BRD1: variants seen among roughly 807,000 people sequenced by gnomAD.
BRD1 encodes the protein bromodomain containing 1.
A neutral mutation model predicts 107.7 loss-of-function variants in BRD1; 24 were observed. That is an observed-to-expected ratio of 0.22 (90% confidence interval 0.16 to 0.31). The LOEUF is 0.31. Among genes scored for constraint, BRD1 ranks in the 10% least tolerant of loss-of-function variants. The pLI is 1.00. For synonymous variants in BRD1, 744 were observed against 686.1 expected, an observed-to-expected ratio of 1.08 and a Z score of -1.32; for missense variants, 1,279 against 1,638.6, an observed-to-expected ratio of 0.78 and a Z score of 3.79.
chr22:49,821,006 C>T (rs2060055364), intron 2 of BRD1: 2 of 152,252 alleles, frequency 1.3e-5, no homozygotes, highest in Non-Finnish European at 2.9e-5. Context: ...TAGTTTATTC[C>T]CAAGTTAGGA....
chr22:49,796,460 G>A (rs534355924), intron 6 of BRD1, among the ~76,000 whole-genome samples: 2 of 149,554 alleles, frequency 1.3e-5, no homozygotes, highest in African/African-American at 4.9e-5. Flanking sequence ...AGGTTCAAGC[G>A]ATTCTCCTGC....
intron 8 of BRD1, among the ~76,000 whole-genome samples, chr22:49,786,900 C>T (rs938828390): frequency 6.7e-6 from 1 of 149,440 alleles, no homozygotes; most frequent in Non-Finnish European, 1.5e-5. Context: ...CAAGACCAGC[C>T]GGGACAACAC....
Position 49,792,227 on chromosome 22 carries a change from A to G in BRD1, c.2359+1807T>C, listed in dbSNP as rs1196694736. ...CTTACTGCTCTACAGTGAAAATGGT[A>G]CAACTGTGTGCGAAGAGAAGCGCTG... On this transcript the variant is annotated intron_variant, in intron 7 of 12. Transcript: ENST00000404760. The surrounding 1 kb of genome is among the most constrained non-coding windows in gnomAD (Gnocchi z 4.2). Among the ~76,000 whole-genome samples the G allele has an allele frequency of 6.6e-6, 1 of 152,182 alleles. No individual in the cohort carries two copies. Among genetic ancestry groups the G allele is most frequent in the Non-Finnish European group, 1.5e-5 (1 of 68,030 alleles).
At chr22:49,791,248 G>A (rs983404351) in intron 7 of BRD1, among the ~76,000 whole-genome samples, 4 of 152,204 alleles carry the variant, frequency 2.6e-5, no homozygotes, top group African/African-American at 7.2e-5. Flanking sequence ...AGACTGAGTC[G>A]CGGCTACGGC....
rs369676629 is a variant in BRD1, at chr22:49,823,906, C to T, written c.412G>A (p.Val138Met). The change falls in exon 2 of 13, where the codon GTG (valine) becomes ATG (methionine). Residue 138 changes from valine (V) to methionine (M), a missense_variant. Val to Met is a conservative substitution (Grantham distance 21, BLOSUM62 1). This residue lies in a region of BRD1 where 223 missense variants were observed against 263.5 expected (regional missense o/e 0.85). Coordinates refer to ENST00000404760, the MANE Select transcript of BRD1 (RefSeq NM_001304808.3). ...GACTTCTCGATGAACTTGTAGTACA[C>T]AGGAGGCCTCCTGGGGGCGGACGGA... ...SPPSAPRRPP[V>M]YYKFIEKSAE... 31 of 1,614,096 alleles carry T rather than the reference C, an allele frequency of 1.9e-5. No homozygotes were observed. Among genetic ancestry groups the T allele is most frequent in the Admixed American group, 3.3e-5 (2 of 60,012 alleles).
chr22:49,788,797 C>G (rs932048694), intron 7 of BRD1, among the ~76,000 whole-genome samples: 2 of 152,156 alleles, frequency 1.3e-5, no homozygotes, highest in Admixed American at 1.3e-4. Context: ...GACATAAAAC[C>G]AAGGATTTTG....
chr22:49,794,885 T>C (rs1259514047), intron 6 of BRD1, among the ~76,000 whole-genome samples: 2 of 152,150 alleles, frequency 1.3e-5, no homozygotes, highest in African/African-American at 4.8e-5. Flanking sequence ...AAACTTCGCT[T>C]TCAAAAACAC....
chr22:49,807,034 G>T (rs1257451371), intron 2 of BRD1: 1 of 149,438 alleles, frequency 6.7e-6, no homozygotes, highest in Non-Finnish European at 1.5e-5. Context: ...CCAGGGAAAA[G>T]AACCCCGGAA....
Position 49,792,486 on chromosome 22 carries a change from T to C in BRD1, c.2359+1548A>G, listed in dbSNP as rs1193808562. Reference sequence around the variant, plus strand: ...GACAGGTATGGCTGCCAGAGGGTCCTGTAGGCAAACGTTCCTCAGAAAAAA... The same window carrying C: ...GACAGGTATGGCTGCCAGAGGGTCCCGTAGGCAAACGTTCCTCAGAAAAAA... On this transcript the variant is annotated intron_variant, in intron 7 of 12. Transcript: ENST00000404760. The surrounding 1 kb of genome is among the most constrained non-coding windows in gnomAD (Gnocchi z 4.2). Among the ~76,000 whole-genome samples, 1 of 152,194 alleles carries C rather than the reference T, an allele frequency of 6.6e-6. No individual in the cohort carries two copies. The highest frequency in any genetic ancestry group is 1.9e-4 in the East Asian group (1 of 5,194).
chr22:49,794,333 A>C (rs368584018), intron 6 of BRD1, 39 bp from the exon 7 acceptor site: 99 of 1,575,796 alleles, frequency 6.3e-5, no homozygotes, highest in Non-Finnish European at 8.5e-5. Flanking sequence ...ATCAGGTCCC[A>C]CGCACCTTCT....
At chr22:49,818,047 G>T (rs922870919) in intron 2 of BRD1, among the ~76,000 whole-genome samples, 1 of 152,202 alleles carries the variant, frequency 6.6e-6, no homozygotes, top group Non-Finnish European at 1.5e-5. Flanking sequence ...AGTTCGCCAC[G>T]TATTTTCACC....
chr22:49,777,585 T>G, intron 9 of BRD1, 93 bp downstream of exon 9: 1 of 1,510,568 alleles, frequency 6.6e-7, no homozygotes, highest in Non-Finnish European at 8.9e-7. Context: ...AACACTAAGA[T>G]GGGAGCTGGA....
chr22:49,804,191 A>G lies in BRD1; in HGVS notation c.1524+13T>C. 6.4e-7 allele frequency: 1 copy of G among 1,561,942 alleles called. No individual in the cohort carries two copies. Among genetic ancestry groups the G allele is most frequent in the Admixed American group, 1.8e-5 (1 of 55,966 alleles). ...GAGACGCAGAAAGGCTGTGGGGGCC[A>G]CGAGCCACGTACCTGCTGTGAGCTT... On this transcript the variant is annotated intron_variant, in intron 3 of 12. Coordinates refer to ENST00000404760, the MANE Select transcript of BRD1 (RefSeq NM_001304808.3).
At chr22:49,798,186 A>T in intron 5 of BRD1, 69 bp from the exon 6 acceptor site, 2 of 1,421,598 alleles carry the variant, frequency 1.4e-6, no homozygotes, top group South Asian at 2.7e-5. Context: ...TATATTTATT[A>T]TTCCATATAA....
At chr22:49,798,845 C>T in intron 4 of BRD1, 143 bp downstream of exon 4, 1 of 1,436,236 alleles carries the variant, frequency 7.0e-7, no homozygotes, top group Non-Finnish European at 9.1e-7. Flanking sequence ...CCCATGGCAG[C>T]CAGGCACCCA....
Position 49,823,814 on chromosome 22 carries a change from G to A in BRD1, c.504C>T (p.Ile168=), listed in dbSNP as rs376460274. The change falls in exon 2 of 13, where the codon ATC becomes ATT. Residue 168 remains isoleucine (I), a synonymous_variant. Transcript: ENST00000404760. ...AGTCGCCCTTGCGCTTCTCATTGACGATCTCCAGCCAGGCATAGTCCTCCT... is the reference window on the plus strand; with the variant it reads ...AGTCGCCCTTGCGCTTCTCATTGACAATCTCCAGCCAGGCATAGTCCTCCT... ...MDEEDYAWLE[I]VNEKRKGDCV... is the part of the protein sequence containing the mutation. 138 of 1,614,010 alleles carry A rather than the reference G, an allele frequency of 8.6e-5. No homozygotes were observed. The highest frequency in any genetic ancestry group is 1.1e-4 in the Non-Finnish European group (132 of 1,180,040).
At chr22:49,796,487 G>C (rs1485048051) in intron 6 of BRD1, among the ~76,000 whole-genome samples, 1 of 152,048 alleles carries the variant, frequency 6.6e-6, no homozygotes, top group Non-Finnish European at 1.5e-5. Context: ...CTCCGAAATA[G>C]CTGGGATTAC....
At chr22:49,774,540 G>A (rs2059042868) in intron 12 of BRD1, 124 bp from the exon 13 acceptor site, 4 of 1,091,674 alleles carry the variant, frequency 3.7e-6, no homozygotes, top group Non-Finnish European at 5.2e-6. Flanking sequence ...GCACCACCAA[G>A]ACAGCTGGGC....
intron 3 of BRD1, among the ~76,000 whole-genome samples, chr22:49,802,120 C>T (rs1300454552): frequency 6.6e-6 from 1 of 151,982 alleles, no homozygotes. Context: ...TCTTCCATTC[C>T]CCAACATCGC....
Sources: gnomAD v4.1 joint callset for allele counts (sites outside exome capture counted in the v4.1 genomes callset) on GRCh38, gnomAD v4.1.1 for gene constraint, gnomAD v4.1.1 regional missense constraint, Gnocchi (gnomAD v3.1) non-coding constraint, MANE v1.5 for transcripts, NCBI Gene and HGNC (gene_info 2026-07-23, HGNC 2026-07-21) for gene names.